The following DCC variants were observed in gnomAD, a reference collection of about 807,000 sequenced individuals.
The protein encoded by DCC is DCC netrin 1 receptor, also known as netrin receptor DCC.
DCC carries 58 observed loss-of-function variants against 172.5 expected under a neutral mutation model. The observed-to-expected ratio is 0.34, with a 90% CI of 0.27 to 0.42. The LOEUF is 0.42. Among genes scored for constraint, DCC ranks in the 10% least tolerant of loss-of-function variants. The pLI is 1.00. For synonymous variants in DCC, 709 were observed against 644.5 expected (o/e 1.10, Z -1.52); for missense variants, 1,740 against 1,791.0 (o/e 0.97, Z 0.51).
chr18:53,099,303 A>C (rs1158567812), intron 7 of DCC, among the ~76,000 whole-genome samples: 1 of 152,018 alleles, frequency 6.6e-6, no homozygotes, highest in Admixed American at 6.6e-5. Flanking sequence ...ATGGGTTATT[A>C]CCTGTTATTA....
chr18:52,510,839 T>C (rs2144646799), intron 1 of DCC, among the ~76,000 whole-genome samples: 1 of 152,234 alleles, frequency 6.6e-6, no homozygotes, highest in East Asian at 1.9e-4. Flanking sequence ...TATTGTATGT[T>C]TCTGTATGGT....
chr18:53,003,788 T>C (rs1350995976), intron 5 of DCC, among the ~76,000 whole-genome samples: 1 of 152,076 alleles, frequency 6.6e-6, no homozygotes, highest in Non-Finnish European at 1.5e-5. Flanking sequence ...AGACATACCA[T>C]ACACAGAGAC....
chr18:52,515,303 G>C (rs186560978), intron 1 of DCC, among the ~76,000 whole-genome samples: 1 of 151,974 alleles, frequency 6.6e-6, no homozygotes, highest in Admixed American at 6.6e-5. Flanking sequence ...ATACAAAAAT[G>C]AACATAAAAA....
chr18:53,139,866 A>G (rs144008377), intron 7 of DCC, among the ~76,000 whole-genome samples: 1 of 152,244 alleles, frequency 6.6e-6, no homozygotes, highest in African/African-American at 2.4e-5. Context: ...CACCATGATC[A>G]CTAGTGCTTA....
intron 1 of DCC, among the ~76,000 whole-genome samples, chr18:52,584,191 A>G (rs1017014848): frequency 2.0e-5 from 3 of 152,232 alleles, no homozygotes; most frequent in Non-Finnish European, 4.4e-5. Flanking sequence ...TGAAAGATAC[A>G]TAAGGTGAGT....
chr18:52,777,491 G>A (rs955254809), intron 2 of DCC, among the ~76,000 whole-genome samples: 1 of 152,098 alleles, frequency 6.6e-6, no homozygotes, highest in African/African-American at 2.4e-5. Flanking sequence ...TGGATTTAGA[G>A]CCCACCATGA....
intron 14 of DCC, among the ~76,000 whole-genome samples, chr18:53,331,457 G>A (rs1378423015): frequency 1.3e-5 from 2 of 152,178 alleles, no homozygotes; most frequent in African/African-American, 2.4e-5. Context: ...GTGAGGTTTT[G>A]CAATAGTTGA....
chr18:53,051,765 T>C (rs950982995), intron 5 of DCC, among the ~76,000 whole-genome samples: 1 of 152,100 alleles, frequency 6.6e-6, no homozygotes, highest in African/African-American at 2.4e-5. Flanking sequence ...TTACTCTTCA[T>C]CTTATATCTT....
chr18:52,389,471 G>A (rs1041888465), intron 1 of DCC, among the ~76,000 whole-genome samples: 1 of 152,038 alleles, frequency 6.6e-6, no homozygotes, highest in African/African-American at 2.4e-5. Flanking sequence ...GGCTATGGAG[G>A]TTGCTAAACA....
At chr18:52,518,093 A>T (rs981509195) in intron 1 of DCC, among the ~76,000 whole-genome samples, 1 of 152,148 alleles carries the variant, frequency 6.6e-6, no homozygotes, top group African/African-American at 2.4e-5. Context: ...TCCCTAAAAA[A>T]TCTTTGATAC....
intron 1 of DCC, among the ~76,000 whole-genome samples, chr18:52,602,057 G>A (rs557406824): frequency 1.3e-4 from 20 of 152,012 alleles, no homozygotes; most frequent in Non-Finnish European, 2.8e-4. Context: ...TCACATATTA[G>A]ATGAAATAAG....
intron 2 of DCC, among the ~76,000 whole-genome samples, chr18:52,831,647 T>C (rs2038616039): frequency 6.6e-6 from 1 of 151,880 alleles, no homozygotes; most frequent in Non-Finnish European, 1.5e-5. Flanking sequence ...ACTAGAGGGG[T>C]GGAATTGCTA....
intron 12 of DCC, among the ~76,000 whole-genome samples, chr18:53,292,124 C>T (rs201841009): frequency 1.2e-4 from 14 of 118,902 alleles, no homozygotes; most frequent in South Asian, 3.2e-4. Context: ...CCCCCCCCCC[C>T]TTTTTTCCTG....
chr18:52,408,733 C>A (rs1050908645), intron 1 of DCC, among the ~76,000 whole-genome samples: 11 of 152,096 alleles, frequency 7.2e-5, no homozygotes, highest in African/African-American at 2.7e-4. Context: ...ATACCCTAAG[C>A]ATTTTCAGCT....
chr18:53,176,222 A>G (rs1598877220), intron 8 of DCC, among the ~76,000 whole-genome samples: 2 of 130,630 alleles, frequency 1.5e-5, no homozygotes, highest in African/African-American at 6.0e-5. Context: ...AACCATAAAA[A>G]CCCTAGAAGA....
At chr18:53,180,132 T>G (rs900807599) in intron 9 of DCC, among the ~76,000 whole-genome samples, 3 of 152,182 alleles carry the variant, frequency 2.0e-5, no homozygotes, top group Non-Finnish European at 4.4e-5. Context: ...CTATCACTTC[T>G]TGGGTGGTTT....
chr18:53,436,132 G>A (rs1911925271), intron 22 of DCC, among the ~76,000 whole-genome samples: 1 of 152,072 alleles, frequency 6.6e-6, no homozygotes, highest in Admixed American at 6.5e-5. Flanking sequence ...TGATATAAGT[G>A]CTCTAATTTG....
rs1163015365 is a variant in DCC, at chr18:52,835,693, A to G, written c.413-70351A>G. ...TATAGAGATATCTATATATCCATAT[A>G]TAATGTGTATTTTAAGGTATATTTC... On this transcript the variant is annotated intron_variant, in intron 2 of 28. Transcript: ENST00000442544. Among the ~76,000 whole-genome samples the G allele has an allele frequency of 5.3e-5, 8 of 152,238 alleles. 1 individual carries two copies. The highest frequency in any genetic ancestry group is 5.2e-4 in the Admixed American group (8 of 15,278).
At chr18:53,416,598 A>G (rs1329284676) in intron 21 of DCC, 1 of 204,096 alleles carries the variant, frequency 4.9e-6, no homozygotes, top group African/African-American at 2.3e-5. Context: ...CTTTTAATAT[A>G]TAAAATCAAA....
Sources: gnomAD v4.1 joint callset for allele counts (sites outside exome capture counted in the v4.1 genomes callset) on GRCh38, gnomAD v4.1.1 for gene constraint, MANE v1.5 for transcripts, NCBI Gene and HGNC (gene_info 2026-07-23, HGNC 2026-07-21) for gene names.